NAALADL2: variants seen among roughly 807,000 people sequenced by gnomAD.
The protein encoded by NAALADL2 is inactive N-acetylated-alpha-linked acidic dipeptidase-like protein 2.
In NAALADL2, 76 loss-of-function variants were observed where a neutral mutation model predicts 87.2. The observed-to-expected ratio is 0.87, with a 90% CI of 0.72 to 1.05. The LOEUF (loss-of-function observed/expected upper bound fraction) is 1.05. NAALADL2 is among the 50% of genes least tolerant of loss of function. The pLI, the probability that NAALADL2 is intolerant of heterozygous loss-of-function variation, is 0.00. For missense variants in NAALADL2, 1,089 were observed against 945.8 expected (o/e 1.15, Z -1.99); for synonymous variants, 354 against 331.0 (o/e 1.07, Z -0.75).
chr3:175,525,968 T>A (rs1733356985), intron 9 of NAALADL2, among the ~76,000 whole-genome samples: 1 of 152,220 alleles, frequency 6.6e-6, no homozygotes, highest in Non-Finnish European at 1.5e-5. Context: ...GGGAAAGTAC[T>A]TCCAAGATCC....
chr3:174,443,742 A>C (rs924251627), intron 1 of NAALADL2, among the ~76,000 whole-genome samples: 31 of 152,206 alleles, frequency 2.0e-4, no homozygotes, highest in African/African-American at 7.5e-4. Flanking sequence ...GATGAGGAGA[A>C]ACCAAAAAGG....
chr3:175,199,067 T>C (rs1739421294), intron 2 of NAALADL2, among the ~76,000 whole-genome samples: 2 of 152,188 alleles, frequency 1.3e-5, no homozygotes, highest in Non-Finnish European at 2.9e-5. Flanking sequence ...TTAGATGCTA[T>C]ACAATTATTT....
intron 2 of NAALADL2, among the ~76,000 whole-genome samples, chr3:175,184,413 T>C (rs901912393): frequency 6.6e-6 from 1 of 152,114 alleles, no homozygotes; most frequent in African/African-American, 2.4e-5. Context: ...TACCCTCTAC[T>C]GCAGCTTTTA....
chr3:174,973,161 C>CA, intron 1 of NAALADL2, among the ~76,000 whole-genome samples: 1 of 152,158 alleles, frequency 6.6e-6, no homozygotes, highest in South Asian at 2.1e-4. Context: ...ATCTTTAGGG[C>CA]AAAAATTATA....
At chr3:175,567,332 G>C (rs983916702) in intron 9 of NAALADL2, among the ~76,000 whole-genome samples, 8 of 152,088 alleles carry the variant, frequency 5.3e-5, no homozygotes, top group Non-Finnish European at 8.8e-5. Context: ...GAAAACACCA[G>C]CTAGAAGCTG....
intron 1 of NAALADL2, among the ~76,000 whole-genome samples, chr3:174,890,473 T>C (rs942127669): frequency 3.3e-5 from 5 of 152,168 alleles, no homozygotes; most frequent in Non-Finnish European, 7.4e-5. Flanking sequence ...AGCTAAATAA[T>C]TAACTGTTGA....
chr3:175,147,808 G>A (rs1391445775), intron 2 of NAALADL2, among the ~76,000 whole-genome samples: 7 of 151,942 alleles, frequency 4.6e-5, no homozygotes, highest in East Asian at 1.9e-4. Flanking sequence ...GTTGGCTCAC[G>A]CCTGTAATCC....
chr3:175,591,537 G>T (rs1469188395), intron 10 of NAALADL2, among the ~76,000 whole-genome samples: 3 of 151,750 alleles, frequency 2.0e-5, no homozygotes, highest in African/African-American at 7.3e-5. Context: ...TATGCATTAA[G>T]AACAGATAAA....
chr3:174,766,054 C>A (rs1238743017), intron 3 of NAALADL2, among the ~76,000 whole-genome samples: 1 of 152,138 alleles, frequency 6.6e-6, no homozygotes, highest in African/African-American at 2.4e-5. Flanking sequence ...GCATTTTGTT[C>A]ACAATTTTCT....
At chr3:175,700,641 T>A (rs1560999777) in intron 11 of NAALADL2, among the ~76,000 whole-genome samples, 1 of 152,072 alleles carries the variant, frequency 6.6e-6, no homozygotes, top group Non-Finnish European at 1.5e-5. Flanking sequence ...AAAGAAAGTA[T>A]GGGATCATTG....
intron 4 of NAALADL2, among the ~76,000 whole-genome samples, chr3:175,286,918 C>A (rs1410801494): frequency 6.7e-6 from 1 of 149,296 alleles, no homozygotes; most frequent in African/African-American, 2.5e-5. Flanking sequence ...GAGACTCTAT[C>A]TCTACAAAAA....
chr3:175,029,284 T>C (rs565240770), intron 1 of NAALADL2, among the ~76,000 whole-genome samples: 1 of 152,114 alleles, frequency 6.6e-6, no homozygotes, highest in East Asian at 1.9e-4. Flanking sequence ...CCCAACTGCT[T>C]CCCTTACGTT....
At chr3:174,691,165 A>G (rs1487450691) in intron 2 of NAALADL2, among the ~76,000 whole-genome samples, 1 of 152,200 alleles carries the variant, frequency 6.6e-6, no homozygotes, top group Admixed American at 6.5e-5. Flanking sequence ...TAATCCCAGC[A>G]CATTGGGAGG....
At chr3:175,278,988 C>T (rs1166740654) in intron 4 of NAALADL2, among the ~76,000 whole-genome samples, 1 of 152,118 alleles carries the variant, frequency 6.6e-6, no homozygotes, top group African/African-American at 2.4e-5. Flanking sequence ...GGTCTACATT[C>T]TAGATGAAGT....
intron 10 of NAALADL2, among the ~76,000 whole-genome samples, chr3:175,609,990 A>T (rs997421994): frequency 2.0e-5 from 3 of 151,848 alleles, no homozygotes; most frequent in African/African-American, 7.3e-5. Flanking sequence ...TTTCAATGTA[A>T]AAAAAAAGGA....
At chr3:175,499,573 G>A (rs1301652285) in intron 9 of NAALADL2, among the ~76,000 whole-genome samples, 3 of 151,304 alleles carry the variant, frequency 2.0e-5, no homozygotes, top group African/African-American at 4.9e-5. Flanking sequence ...TTTTGCACCC[G>A]ACTTAAGTTC....
intron 3 of NAALADL2, among the ~76,000 whole-genome samples, chr3:174,754,924 TA>T: frequency 6.6e-6 from 1 of 152,282 alleles, no homozygotes; most frequent in South Asian, 2.1e-4. Context: ...TTAGAAAAGG[TA>T]AATACCTTTT....
At chr3:174,642,960 T>G (rs985572805) in intron 2 of NAALADL2, among the ~76,000 whole-genome samples, 1 of 151,928 alleles carries the variant, frequency 6.6e-6, no homozygotes, top group Non-Finnish European at 1.5e-5. Flanking sequence ...TTTTTTATTT[T>G]CTGTAGAGTC....
intron 1 of NAALADL2, among the ~76,000 whole-genome samples, chr3:174,890,962 TA>T (rs1411075956): frequency 1.3e-5 from 2 of 152,204 alleles, no homozygotes; most frequent in East Asian, 1.9e-4. Context: ...ATAAGAAAAT[TA>T]TTTTTTTATT....
Sources: allele counts gnomAD v4.1 joint callset (sites outside exome capture counted in the v4.1 genomes callset), GRCh38; gene constraint gnomAD v4.1.1; transcripts MANE v1.5; gene names NCBI Gene and HGNC (gene_info 2026-07-23, HGNC 2026-07-21).